HS6ST3: variants seen among roughly 807,000 people sequenced by gnomAD.
HS6ST3 encodes the protein heparan-sulfate 6-O-sulfotransferase 3.
In HS6ST3, 12 loss-of-function variants were observed where a neutral mutation model predicts 36.7. The observed-to-expected ratio is 0.33, with a 90% CI of 0.21 to 0.53. HS6ST3 has a LOEUF of 0.53. Ranked by LOEUF, HS6ST3 falls within the 20% of genes least tolerant of loss-of-function variation. HS6ST3 has a pLI of 0.95. For missense variants in HS6ST3, 584 were observed against 640.9 expected, an observed-to-expected ratio of 0.91 and a Z score of 0.96; for synonymous variants, 240 against 257.5, an observed-to-expected ratio of 0.93 and a Z score of 0.65.
intron 1 of HS6ST3, among the ~76,000 whole-genome samples, chr13:96,395,846 G>A (rs1344243879): frequency 2.0e-5 from 3 of 152,066 alleles, no homozygotes; most frequent in Admixed American, 2.0e-4. Context: ...GATACAAGGA[G>A]GGAGAGAAGG....
At chr13:96,429,957 T>C (rs2055606823) in intron 1 of HS6ST3, among the ~76,000 whole-genome samples, 1 of 152,182 alleles carries the variant, frequency 6.6e-6, no homozygotes, top group Non-Finnish European at 1.5e-5. Context: ...CCTTAACAAA[T>C]AATAAACCCT....
At chr13:96,340,766 C>T (rs2055126223) in intron 1 of HS6ST3, among the ~76,000 whole-genome samples, 3 of 152,218 alleles carry the variant, frequency 2.0e-5, no homozygotes, top group African/African-American at 7.2e-5. Context: ...ACATACTATT[C>T]TATATAAGAG....
intron 1 of HS6ST3, among the ~76,000 whole-genome samples, chr13:96,657,183 C>T (rs1446070837): frequency 6.6e-6 from 1 of 151,810 alleles, no homozygotes; most frequent in East Asian, 1.9e-4. Flanking sequence ...TTGTTTATTG[C>T]AAAGCAAAAT....
At chr13:96,198,086 C>T (rs1594712874) in intron 1 of HS6ST3, among the ~76,000 whole-genome samples, 1 of 152,350 alleles carries the variant, frequency 6.6e-6, no homozygotes, top group South Asian at 2.1e-4. Context: ...TGTGCACCCA[C>T]AAGCTCAACA....
At chr13:96,379,721 T>G (rs1355378340) in intron 1 of HS6ST3, among the ~76,000 whole-genome samples, 1 of 152,208 alleles carries the variant, frequency 6.6e-6, no homozygotes, top group Admixed American at 6.6e-5. Flanking sequence ...TAATTTCTGA[T>G]TTGGGAAGTA....
chr13:96,343,944 G>A (rs1387541422), intron 1 of HS6ST3, among the ~76,000 whole-genome samples: 3 of 151,984 alleles, frequency 2.0e-5, no homozygotes, highest in Non-Finnish European at 4.4e-5. Context: ...GGGTTTCACC[G>A]TGTTAGCCAG....
intron 1 of HS6ST3, among the ~76,000 whole-genome samples, chr13:96,805,586 C>G (rs1218799116): frequency 6.6e-6 from 1 of 152,176 alleles, no homozygotes; most frequent in Non-Finnish European, 1.5e-5. Flanking sequence ...AAGCACTGTG[C>G]TAAGTAAGCA....
chr13:96,596,377 G>C (rs2056401532), intron 1 of HS6ST3, among the ~76,000 whole-genome samples: 1 of 152,118 alleles, frequency 6.6e-6, no homozygotes, highest in Admixed American at 6.5e-5. Flanking sequence ...GAGCAGTTAG[G>C]TTGATATAAT....
At chr13:96,379,753 C>CACTTTGATA (rs925812154) in intron 1 of HS6ST3, among the ~76,000 whole-genome samples, 2 of 152,126 alleles carry the variant, frequency 1.3e-5, no homozygotes, top group African/African-American at 4.8e-5. Flanking sequence ...TTAGAATCTG[C>CACTTTGATA]ACTTTGATAA....
chr13:96,706,440 T>TATATATATATATATATATATATATATAA (rs1491180585), intron 1 of HS6ST3, among the ~76,000 whole-genome samples: 45 of 137,570 alleles, frequency 3.3e-4, no homozygotes, highest in Non-Finnish European at 5.4e-4. Flanking sequence ...TATATATATA[T>TATATATATATATATATATATATATATAA]AATCAGGGAA....
At chr13:96,658,770 A>T (rs1455851986) in intron 1 of HS6ST3, among the ~76,000 whole-genome samples, 2 of 151,510 alleles carry the variant, frequency 1.3e-5, no homozygotes, top group Admixed American at 1.3e-4. Context: ...CAATGGCATG[A>T]TCTTGGCTCA....
intron 1 of HS6ST3, among the ~76,000 whole-genome samples, chr13:96,608,897 T>A (rs546741783): frequency 2.6e-5 from 4 of 152,132 alleles, no homozygotes; most frequent in Non-Finnish European, 5.9e-5. Context: ...AATAATTCAT[T>A]AAGCCATACA....
chr13:96,674,422 C>A (rs1026668731), intron 1 of HS6ST3, among the ~76,000 whole-genome samples: 5 of 152,082 alleles, frequency 3.3e-5, no homozygotes, highest in African/African-American at 1.2e-4. Context: ...CTCCAAAGGT[C>A]AATTTCTCCA....
chr13:96,629,085 AT>A (rs2138999723), intron 1 of HS6ST3, among the ~76,000 whole-genome samples: 1 of 152,114 alleles, frequency 6.6e-6, no homozygotes, highest in East Asian at 1.9e-4. Context: ...TTTATTCTCT[AT>A]GCTTATTTTT....
intron 1 of HS6ST3, among the ~76,000 whole-genome samples, chr13:96,437,440 G>A (rs2055648753): frequency 6.6e-6 from 1 of 152,174 alleles, no homozygotes; most frequent in South Asian, 2.1e-4. Context: ...CTGAAGGCAA[G>A]GAAAATACTA....
intron 1 of HS6ST3, among the ~76,000 whole-genome samples, chr13:96,815,857 GC>G (rs1254607568): frequency 6.6e-6 from 1 of 152,118 alleles, no homozygotes; most frequent in East Asian, 1.9e-4. Flanking sequence ...GACTAGATAT[GC>G]TGTGTTCAAA....
At chr13:96,192,421 C>T (rs1240025284) in intron 1 of HS6ST3, among the ~76,000 whole-genome samples, 2 of 152,060 alleles carry the variant, frequency 1.3e-5, no homozygotes, top group Non-Finnish European at 2.9e-5. Context: ...CCAATAGACG[C>T]TTTTTCAACC....
In HS6ST3 at chr13:96,360,945, C is replaced by CCAAA. The variant is rs1555300658; in HGVS notation, c.707+269376_707+269377insCAAA. Among the ~76,000 whole-genome samples, 47 of 130,868 alleles carry CCAAA rather than the reference C, an allele frequency of 3.6e-4. 7 individuals are homozygous for CCAAA. The highest frequency in any genetic ancestry group is 4.1e-4 in the African/African-American group (14 of 34,510). The allele number at this position is 130,868 out of a possible 152,430, so 85.9% of individuals were successfully genotyped here. A position where few individuals can be genotyped will look rare whatever the true frequency, so the allele number is the denominator to read the frequency against. ...TGGACGACAGAGCAAGACCCTGTCC[C>CCAAA]AAAAAAAAAAAAAAAAAATGCAGGA... is the stretch of plus-strand genomic sequence containing the variant. On this transcript the variant is annotated intron_variant, in intron 1 of 1. Coordinates refer to ENST00000376705, the MANE Select transcript of HS6ST3 (RefSeq NM_153456.4).
At chr13:96,398,813 C>A (rs1312226959) in intron 1 of HS6ST3, among the ~76,000 whole-genome samples, 2 of 152,184 alleles carry the variant, frequency 1.3e-5, no homozygotes, top group African/African-American at 4.8e-5. Context: ...CTGTATAAGA[C>A]TTTGTCTTAG....
Sources: allele counts gnomAD v4.1 joint callset (sites outside exome capture counted in the v4.1 genomes callset), GRCh38; gene constraint gnomAD v4.1.1; transcripts MANE v1.5; gene names NCBI Gene and HGNC (gene_info 2026-07-23, HGNC 2026-07-21).